Variants in ANKRD28 observed in about 807,000 individuals in gnomAD.
The protein encoded by ANKRD28 is ankyrin repeat domain 28.
Under a neutral mutation model 126.5 loss-of-function variants are expected in ANKRD28, and 44 were observed. The ratio of observed to expected loss-of-function variants is 0.35; its 90% confidence interval spans 0.27 to 0.45. ANKRD28 has a LOEUF of 0.45. Ranked by LOEUF, ANKRD28 falls within the 20% of genes least tolerant of loss-of-function variation. ANKRD28 has a pLI of 1.00. For synonymous variants in ANKRD28, 442 were observed against 468.5 expected, an observed-to-expected ratio of 0.94 and a Z score of 0.73; for missense variants, 1,110 against 1,316.6, an observed-to-expected ratio of 0.84 and a Z score of 2.43.
At chr3:15,681,797 G>C (rs143615037) in intron 21 of ANKRD28, among the ~76,000 whole-genome samples, 456 of 152,204 alleles carry the variant, frequency 3.0e-3, no homozygotes, top group African/African-American at 8.0e-3. Context: ...AGACATTTTT[G>C]TTTATCACAA....
At chr3:15,810,800 G>A (rs1248222354) in intron 1 of ANKRD28, among the ~76,000 whole-genome samples, 2 of 151,532 alleles carry the variant, frequency 1.3e-5, no homozygotes, top group East Asian at 1.9e-4. Context: ...AAGGCCTAGA[G>A]TGGTTACATG....
intron 2 of ANKRD28, among the ~76,000 whole-genome samples, chr3:15,794,201 C>T (rs1252039759): frequency 1.3e-5 from 2 of 152,002 alleles, no homozygotes; most frequent in African/African-American, 4.8e-5. Flanking sequence ...CTGTTCATTA[C>T]CCAATGTTAA....
At chr3:15,781,064 G>A (rs2059516349) in intron 2 of ANKRD28, among the ~76,000 whole-genome samples, 1 of 150,602 alleles carries the variant, frequency 6.6e-6, no homozygotes, top group Non-Finnish European at 1.5e-5. Context: ...CTGGCAAATG[G>A]GACTGCATTA....
In ANKRD28 at chr3:15,729,057, CAG is replaced by C. The variant is rs371565527; in HGVS notation, c.641-4535_641-4534del. Among the ~76,000 whole-genome samples, 948 of 152,282 alleles carry C rather than the reference CAG, an allele frequency of 6.2e-3. 12 individuals carry two copies. The highest frequency in any genetic ancestry group is 0.021 in the African/African-American group (880 of 41,558). On this transcript the variant is annotated intron_variant, in intron 6 of 27. Transcript: ENST00000683139. The stretch of plus-strand genomic sequence containing the variant: ...CTGTGCCAGAAAGGGAAACAGACTG[CAG>C]AGTTTCCCATCAGTAATTAAATGCT...
intron 2 of ANKRD28, among the ~76,000 whole-genome samples, chr3:15,785,275 A>G (rs1157963068): frequency 6.6e-6 from 1 of 152,114 alleles, no homozygotes; most frequent in African/African-American, 2.4e-5. Flanking sequence ...ATTGCCTAAG[A>G]ATGAAAAGGC....
intron 6 of ANKRD28, among the ~76,000 whole-genome samples, chr3:15,725,519 T>C (rs753468617): frequency 3.9e-5 from 6 of 152,194 alleles, no homozygotes; most frequent in Non-Finnish European, 7.3e-5. Flanking sequence ...ATATTGCATC[T>C]TGTTTCTTAA....
chr3:15,700,601 T>C (rs888406774), intron 14 of ANKRD28, among the ~76,000 whole-genome samples: 1 of 152,030 alleles, frequency 6.6e-6, no homozygotes, highest in African/African-American at 2.4e-5. Flanking sequence ...TGGTGAAATC[T>C]TGTCTCTACC....
intron 21 of ANKRD28, chr3:15,683,979 G>C (rs1224598544): frequency 6.6e-6 from 1 of 152,124 alleles, no homozygotes; most frequent in East Asian, 1.9e-4. Flanking sequence ...TATTTTCTCT[G>C]CATTTTGAGG....
chr3:15,709,654 G>T lies in ANKRD28; in HGVS notation c.1406+14C>A. Reference sequence around the variant, plus strand: ...TAAAAATAGGCTCCATAAAGAAACTGTATCATACCCTACCTCCCAAATTTG... The same window carrying T: ...TAAAAATAGGCTCCATAAAGAAACTTTATCATACCCTACCTCCCAAATTTG... On this transcript the variant is annotated intron_variant, in intron 13 of 27. Transcript: ENST00000683139. 1 of 1,558,022 alleles carries T rather than the reference G, an allele frequency of 6.4e-7. No individual in the cohort carries two copies. Among genetic ancestry groups the T allele is most frequent in the Non-Finnish European group, 8.7e-7 (1 of 1,148,468 alleles).
rs746581635 is a variant in ANKRD28, at chr3:15,670,252, T to A, written c.*18A>T. 1.1e-4 allele frequency: 179 copies of A among 1,606,572 alleles called. No homozygotes were observed. Among genetic ancestry groups the A allele is most frequent in the Non-Finnish European group, 1.5e-4 (176 of 1,174,038 alleles). On this transcript the variant is annotated 3_prime_UTR_variant, in exon 28 of 28. Transcript: ENST00000683139. ...CAGTTTGAAGCTTTACTGTGAGAACTCCCTCCTCCTCAGCCTCTCAGTAGG... is the reference window on the plus strand; with the variant it reads ...CAGTTTGAAGCTTTACTGTGAGAACACCCTCCTCCTCAGCCTCTCAGTAGG...
intron 2 of ANKRD28, among the ~76,000 whole-genome samples, chr3:15,779,639 G>C (rs1249854715): frequency 6.6e-6 from 1 of 152,158 alleles, no homozygotes; most frequent in Admixed American, 6.6e-5. Context: ...CTGTAACGGA[G>C]TTGATTTAAC....
At chr3:15,701,631 CA>C (rs1398166874) in intron 14 of ANKRD28, among the ~76,000 whole-genome samples, 1 of 151,108 alleles carries the variant, frequency 6.6e-6, no homozygotes, top group Non-Finnish European at 1.5e-5. Flanking sequence ...GCAAGAAGAT[CA>C]AAACTCCGTC....
intron 1 of ANKRD28, among the ~76,000 whole-genome samples, chr3:15,803,393 C>T (rs1381347131): frequency 1.3e-5 from 2 of 151,818 alleles, no homozygotes; most frequent in Admixed American, 1.3e-4. Context: ...CCAACGTGGG[C>T]GGATCATGAG....
At chr3:15,739,957 G>C (rs1360248360) in intron 4 of ANKRD28, among the ~76,000 whole-genome samples, 1 of 152,128 alleles carries the variant, frequency 6.6e-6, no homozygotes, top group Non-Finnish European at 1.5e-5. Context: ...ATCCATCCAA[G>C]AATGCTCATA....
chr3:15,750,251 T>A (rs1472345862), intron 4 of ANKRD28, among the ~76,000 whole-genome samples: 1 of 152,250 alleles, frequency 6.6e-6, no homozygotes, highest in Non-Finnish European at 1.5e-5. Flanking sequence ...TGCGTAGGTA[T>A]GGCTAACATT....
chr3:15,786,028 G>A (rs78555795), intron 2 of ANKRD28, among the ~76,000 whole-genome samples: 5,135 of 152,078 alleles, frequency 0.034, 139 homozygotes, highest in Non-Finnish European at 0.052. Flanking sequence ...ACCAGGGACT[G>A]GGGGGAAGAA....
At chr3:15,771,660 A>T (rs995805307) in intron 2 of ANKRD28, among the ~76,000 whole-genome samples, 1 of 152,232 alleles carries the variant, frequency 6.6e-6, no homozygotes, top group Non-Finnish European at 1.5e-5. Context: ...CCCATGATCC[A>T]AACATTTCCC....
chr3:15,709,407 G>C (rs1192175518), intron 13 of ANKRD28, among the ~76,000 whole-genome samples: 3 of 152,078 alleles, frequency 2.0e-5, no homozygotes, highest in Admixed American at 1.3e-4. Context: ...TTTTTGGAGG[G>C]GGGGAAGTGA....
At chr3:15,826,787 G>T (rs2061076694) in intron 1 of ANKRD28, among the ~76,000 whole-genome samples, 1 of 152,108 alleles carries the variant, frequency 6.6e-6, no homozygotes, top group Non-Finnish European at 1.5e-5. Context: ...GAGTAGACTG[G>T]CCAGAGAACT....
Sources: allele counts gnomAD v4.1 joint callset (sites outside exome capture counted in the v4.1 genomes callset), GRCh38; gene constraint gnomAD v4.1.1; transcripts MANE v1.5; gene names NCBI Gene and HGNC (gene_info 2026-07-23, HGNC 2026-07-21).